SNX29: variants seen among roughly 807,000 people sequenced by gnomAD.
SNX29 encodes the protein sorting nexin 29.
Under a neutral mutation model 102.1 loss-of-function variants are expected in SNX29, and 78 were observed. That is an observed-to-expected ratio of 0.76 (90% CI 0.64 to 0.92). SNX29 has a LOEUF of 0.92. Ranked by LOEUF, SNX29 falls within the 40% of genes least tolerant of loss-of-function variation. SNX29 has a pLI of 0.00. For synonymous variants in SNX29, 580 were observed against 414.5 expected (o/e 1.40, Z -4.85); for missense variants, 1,280 against 1,061.7 (o/e 1.21, Z -2.86).
intron 11 of SNX29, among the ~76,000 whole-genome samples, chr16:12,124,750 C>G (rs1025531165): frequency 6.6e-6 from 1 of 152,182 alleles, no homozygotes; most frequent in Non-Finnish European, 1.5e-5. Flanking sequence ...TGCTTTTTAT[C>G]TTAGATCAGT....
intron 18 of SNX29, among the ~76,000 whole-genome samples, chr16:12,439,219 A>T (rs1471578150): frequency 6.6e-6 from 1 of 152,078 alleles, no homozygotes; most frequent in East Asian, 1.9e-4. Flanking sequence ...CAGGGAAGAG[A>T]GCTGAGAGAC....
chr16:12,143,415 G>A (rs1284884392), intron 13 of SNX29, among the ~76,000 whole-genome samples: 2 of 143,592 alleles, frequency 1.4e-5, no homozygotes, highest in African/African-American at 5.0e-5. Flanking sequence ...CTGCTTCTCA[G>A]GGTTAGGGCA....
intron 11 of SNX29, among the ~76,000 whole-genome samples, chr16:12,105,176 T>C (rs573603382): frequency 1.3e-5 from 2 of 151,414 alleles, no homozygotes; most frequent in African/African-American, 4.9e-5. Context: ...GTGCTGAGAG[T>C]CTAATTTATT....
At chr16:12,461,135 C>T (rs970452210) in intron 18 of SNX29, among the ~76,000 whole-genome samples, 1 of 152,166 alleles carries the variant, frequency 6.6e-6, no homozygotes, top group Non-Finnish European at 1.5e-5. Flanking sequence ...GAAGGTCATA[C>T]AACTAATGAG....
At chr16:12,341,918 G>C (rs1292155695) in intron 15 of SNX29, among the ~76,000 whole-genome samples, 1 of 152,212 alleles carries the variant, frequency 6.6e-6, no homozygotes, top group Non-Finnish European at 1.5e-5. Context: ...CTGTGGGCTA[G>C]TGACTCCGTA....
chr16:12,424,167 G>C (rs1167770524), intron 18 of SNX29, among the ~76,000 whole-genome samples: 1 of 152,204 alleles, frequency 6.6e-6, no homozygotes, highest in Non-Finnish European at 1.5e-5. Flanking sequence ...TCTCTTCCCA[G>C]GTAGCAGTGC....
At chr16:12,221,738 G>C (rs907100495) in intron 14 of SNX29, among the ~76,000 whole-genome samples, 5 of 152,198 alleles carry the variant, frequency 3.3e-5, no homozygotes, top group Admixed American at 1.3e-4. Context: ...AACATCCGTC[G>C]CATTTGCTGG....
intron 1 of SNX29, among the ~76,000 whole-genome samples, chr16:11,978,263 C>T (rs577563437): frequency 5.3e-4 from 80 of 152,152 alleles, no homozygotes; most frequent in African/African-American, 1.9e-3. Flanking sequence ...TTAGTAATAC[C>T]TCAGTAAAGA....
At chr16:12,039,958 A>G (rs568140217) in intron 4 of SNX29, among the ~76,000 whole-genome samples, 3 of 152,364 alleles carry the variant, frequency 2.0e-5, no homozygotes, top group Admixed American at 2.0e-4. Context: ...AGTAAATAGT[A>G]GTTGCTGTTG....
At chr16:12,297,525 C>T (rs1466774100) in intron 15 of SNX29, among the ~76,000 whole-genome samples, 1 of 151,950 alleles carries the variant, frequency 6.6e-6, no homozygotes, top group Non-Finnish European at 1.5e-5. Flanking sequence ...TTCTCCTGGC[C>T]TCTCCTACTT....
chr16:12,044,184 G>A (rs191926660), intron 5 of SNX29, among the ~76,000 whole-genome samples: 112 of 152,348 alleles, frequency 7.4e-4, no homozygotes, highest in African/African-American at 2.0e-3. Flanking sequence ...CGCCCAGATC[G>A]TCAACAGTGA....
intron 16 of SNX29, among the ~76,000 whole-genome samples, chr16:12,389,039 A>G (rs1265224582): frequency 1.3e-5 from 2 of 152,176 alleles, no homozygotes; most frequent in African/African-American, 2.4e-5. Flanking sequence ...AATACTGCTC[A>G]GTGGTCCCAG....
chr16:12,551,787 C>T (rs1373003926), intron 20 of SNX29, among the ~76,000 whole-genome samples: 1 of 152,178 alleles, frequency 6.6e-6, no homozygotes, highest in Non-Finnish European at 1.5e-5. Context: ...GCTTCAGAAG[C>T]ACATGGGCAT....
At chr16:12,293,903 CAT>C (rs1838628543) in intron 15 of SNX29, among the ~76,000 whole-genome samples, 1 of 152,290 alleles carries the variant, frequency 6.6e-6, no homozygotes, top group African/African-American at 2.4e-5. Flanking sequence ...TTATTTATCT[CAT>C]GTGATCCTTA....
chr16:12,039,429 G>A (rs1234891442), intron 4 of SNX29, among the ~76,000 whole-genome samples: 1 of 152,152 alleles, frequency 6.6e-6, no homozygotes, highest in Admixed American at 6.5e-5. Context: ...CCTTAGGGAC[G>A]AGTTCTTGTT....
In SNX29 at chr16:12,338,703, T is replaced by C. The variant is rs187313011; in HGVS notation, c.1783-17460T>C. ...ATGGCTAGCTTGATAAGGGACATCA[T>C]CCTTGACCTGTTGCCTTCCTGGGTG... On this transcript the variant is annotated intron_variant, in intron 15 of 20. Coordinates refer to ENST00000566228, the MANE Select transcript of SNX29 (RefSeq NM_032167.5). 6.5e-4 allele frequency among the ~76,000 whole-genome samples: 99 copies of C among 152,290 alleles called. No individual in the cohort carries two copies. In the East Asian group the frequency reaches 0.019, roughly 29 times the overall value.
chr16:12,548,570 G>C (rs369733137), intron 20 of SNX29, among the ~76,000 whole-genome samples: 2 of 152,156 alleles, frequency 1.3e-5, no homozygotes, highest in East Asian at 3.9e-4. Context: ...TATGATGCTG[G>C]CTTCCCTGTA....
intron 10 of SNX29, among the ~76,000 whole-genome samples, chr16:12,071,906 C>T (rs1304035280): frequency 2.0e-5 from 3 of 152,198 alleles, no homozygotes; most frequent in East Asian, 1.9e-4. Flanking sequence ...AAGTTGGATT[C>T]GTAAGTATTT....
intron 14 of SNX29, among the ~76,000 whole-genome samples, chr16:12,217,384 T>G (rs1596534521): frequency 6.6e-6 from 1 of 152,316 alleles, no homozygotes; most frequent in South Asian, 2.1e-4. Context: ...ATGAGCCATC[T>G]GGGAGGAGGT....
Sources: gnomAD v4.1 joint callset for allele counts (sites outside exome capture counted in the v4.1 genomes callset) on GRCh38, gnomAD v4.1.1 for gene constraint, MANE v1.5 for transcripts, NCBI Gene and HGNC (gene_info 2026-07-23, HGNC 2026-07-21) for gene names.